TRPM1: variants seen among roughly 807,000 people sequenced by gnomAD.
The protein encoded by TRPM1 is transient receptor potential cation channel subfamily M member 1.
TRPM1 carries 113 observed loss-of-function variants against 149.4 expected under a neutral mutation model. That is an observed-to-expected ratio of 0.76 (90% confidence interval 0.65 to 0.88). TRPM1 has a LOEUF of 0.88. Among genes scored for constraint, TRPM1 ranks in the 40% least tolerant of loss-of-function variants. The pLI is 0.00. For synonymous variants in TRPM1, 741 were observed against 759.5 expected (o/e 0.98, Z 0.40); for missense variants, 1,976 against 2,038.7 (o/e 0.97, Z 0.59).
At chr15:31,071,980 CATATAT>C (rs71471861) in intron 3 of TRPM1, among the ~76,000 whole-genome samples, 1,706 of 76,684 alleles carry the variant, frequency 0.022, 34 homozygotes, top group South Asian at 0.035. Context: ...AAAAAAAAAA[CATATAT>C]ATATATATAT....
intron 1 of TRPM1, among the ~76,000 whole-genome samples, chr15:31,106,862 T>C (rs35267463): frequency 0.14 from 21,874 of 152,238 alleles, 1,876 homozygotes; most frequent in Non-Finnish European, 0.18. Flanking sequence ...CTTCCCTTCA[T>C]AGAGATTGTA....
intron 27 of TRPM1, among the ~76,000 whole-genome samples, chr15:31,016,854 C>T (rs893770862): frequency 2.0e-5 from 3 of 152,050 alleles, no homozygotes; most frequent in African/African-American, 4.8e-5. Context: ...TTAATAATAG[C>T]TGTGATCCTC....
intron 1 of TRPM1, among the ~76,000 whole-genome samples, chr15:31,126,891 C>T (rs1314154593): frequency 3.9e-5 from 6 of 152,096 alleles, no homozygotes; most frequent in Non-Finnish European, 7.4e-5. Flanking sequence ...CGCTTGAACC[C>T]GGGAGGTGGA....
chr15:31,140,462 TG>T (rs1192406276), intron 1 of TRPM1, among the ~76,000 whole-genome samples: 1 of 152,192 alleles, frequency 6.6e-6, no homozygotes, highest in Non-Finnish European at 1.5e-5. Context: ...TGTTTGGGTC[TG>T]GGGTGGGACC....
rs892486177 is a variant in TRPM1, at chr15:31,037,702, A to G, written c.2571+9T>C. The G allele has an allele frequency of 1.2e-6, 2 of 1,614,084 alleles. No homozygotes were observed. The highest frequency in any genetic ancestry group is 1.7e-6 in the Non-Finnish European group (2 of 1,180,048). On this transcript the variant is annotated intron_variant, in intron 20 of 27. Coordinates refer to ENST00000256552, the MANE Select transcript of TRPM1 (RefSeq NM_001252024.2). Reference sequence around the variant, plus strand: ...TACTGAATGTCAAATGTTCAGGAGGAGGCCTCACTGTGTAAAACCAGAACT... The same window carrying G: ...TACTGAATGTCAAATGTTCAGGAGGGGGCCTCACTGTGTAAAACCAGAACT...
intron 27 of TRPM1, among the ~76,000 whole-genome samples, chr15:31,009,679 A>G (rs1050595771): frequency 3.9e-5 from 6 of 152,072 alleles, no homozygotes. Flanking sequence ...TACAAATGTT[A>G]TACCTTTTGT....
intron 1 of TRPM1, among the ~76,000 whole-genome samples, chr15:31,088,643 A>G (rs539286131): frequency 5.9e-5 from 9 of 152,332 alleles, no homozygotes; most frequent in African/African-American, 2.2e-4. Context: ...CAAACTGCGG[A>G]CATGCCACAC....
intron 1 of TRPM1, among the ~76,000 whole-genome samples, chr15:31,142,437 C>T (rs375952641): frequency 6.6e-6 from 1 of 152,056 alleles, no homozygotes; most frequent in East Asian, 1.9e-4. Context: ...GGTAATTGGC[C>T]TAGAAAACAA....
chr15:31,145,474 C>G (rs571313321), intron 1 of TRPM1, among the ~76,000 whole-genome samples: 1 of 152,184 alleles, frequency 6.6e-6, no homozygotes, highest in Non-Finnish European at 1.5e-5. Flanking sequence ...CATATCAAAC[C>G]TAAATAGTTA....
At chr15:31,024,473 G>A (rs1204402414) in intron 27 of TRPM1, among the ~76,000 whole-genome samples, 1 of 152,184 alleles carries the variant, frequency 6.6e-6, no homozygotes, top group African/African-American at 2.4e-5. Context: ...GGGCAAGAAT[G>A]TGCTCCCATC....
intron 1 of TRPM1, among the ~76,000 whole-genome samples, chr15:31,109,370 AAAAAG>A (rs2035652767): frequency 6.8e-6 from 1 of 148,080 alleles, no homozygotes; most frequent in Non-Finnish European, 1.5e-5. Flanking sequence ...AAGATAAAAG[AAAAAG>A]AAAAGAAGAG....
chr15:31,088,629 G>A (rs1386693757), intron 1 of TRPM1, among the ~76,000 whole-genome samples: 2 of 152,196 alleles, frequency 1.3e-5, no homozygotes, highest in Non-Finnish European at 2.9e-5. Context: ...AACATCTGAA[G>A]GAACAAACTG....
At chr15:31,152,004 C>A (rs898442174) in intron 1 of TRPM1, among the ~76,000 whole-genome samples, 3 of 152,202 alleles carry the variant, frequency 2.0e-5, no homozygotes, top group Non-Finnish European at 4.4e-5. Flanking sequence ...GGCGGTGACT[C>A]CAGCAAGCTC....
intron 3 of TRPM1, among the ~76,000 whole-genome samples, chr15:31,073,280 G>A (rs1181731481): frequency 6.6e-6 from 1 of 152,242 alleles, no homozygotes; most frequent in African/African-American, 2.4e-5. Context: ...GCCATTGAAA[G>A]TACTTTTCAC....
chr15:31,069,912 T>G, intron 4 of TRPM1, 119 bp downstream of exon 4: 1 of 1,607,396 alleles, frequency 6.2e-7, no homozygotes. Flanking sequence ...CAATGAAATA[T>G]CTAGGAAGAT....
At chr15:31,091,660 C>T (rs990901818) in intron 1 of TRPM1, among the ~76,000 whole-genome samples, 6 of 151,982 alleles carry the variant, frequency 3.9e-5, no homozygotes, top group African/African-American at 1.5e-4. Flanking sequence ...GCGGGAGAAC[C>T]CCCCAAAGAG....
chr15:31,028,274 A>G, intron 25 of TRPM1, 58 bp downstream of exon 25: 1 of 1,609,004 alleles, frequency 6.2e-7, no homozygotes, highest in Non-Finnish European at 8.5e-7. Flanking sequence ...CTGAGATTAA[A>G]TGGAAAATCT....
At chr15:31,081,065 C>G (rs981432810) in intron 2 of TRPM1, among the ~76,000 whole-genome samples, 3 of 152,170 alleles carry the variant, frequency 2.0e-5, no homozygotes, top group Admixed American at 1.3e-4. Context: ...TGTCCCCCCC[C>G]TTATCGTGCC....
intron 9 of TRPM1, among the ~76,000 whole-genome samples, 188 bp downstream of exon 9, chr15:31,062,391 C>T (rs2034256960): frequency 2.0e-5 from 3 of 152,136 alleles, no homozygotes; most frequent in African/African-American, 7.2e-5. Flanking sequence ...AGGGGCCCTC[C>T]CCTGTGTGGG....
Sources: gnomAD v4.1 joint callset for allele counts (sites outside exome capture counted in the v4.1 genomes callset) on GRCh38, gnomAD v4.1.1 for gene constraint, MANE v1.5 for transcripts, NCBI Gene and HGNC (gene_info 2026-07-23, HGNC 2026-07-21) for gene names.